EBF1: variants seen among roughly 807,000 people sequenced by gnomAD.
EBF1 encodes the protein EBF transcription factor 1, also known as transcription factor COE1.
Under a neutral mutation model 68.4 loss-of-function variants are expected in EBF1, and 10 were observed. The ratio of observed to expected loss-of-function variants is 0.15; its 90% CI spans 0.09 to 0.25. The LOEUF (loss-of-function observed/expected upper bound fraction) is 0.25, where lower values mean the gene tolerates loss of function less well. Ranked by LOEUF, EBF1 falls within the 10% of genes least tolerant of loss-of-function variation. The pLI, the probability that EBF1 is intolerant of heterozygous loss-of-function variation, is 1.00. For missense variants in EBF1, 509 were observed against 794.4 expected, an observed-to-expected ratio of 0.64 and a Z score of 4.32; for synonymous variants, 298 against 299.8, an observed-to-expected ratio of 0.99 and a Z score of 0.06.
At chr5:158,814,991 T>C (rs906113732) in intron 8 of EBF1, among the ~76,000 whole-genome samples, 1 of 152,194 alleles carries the variant, frequency 6.6e-6, no homozygotes, top group Non-Finnish European at 1.5e-5. Context: ...TTGAAAAGTC[T>C]GTTGAAGATA....
At chr5:159,057,753 C>T (rs1775039204) in intron 6 of EBF1, among the ~76,000 whole-genome samples, 1 of 152,200 alleles carries the variant, frequency 6.6e-6, no homozygotes, top group Admixed American at 6.5e-5. Flanking sequence ...AGAGTCCACT[C>T]AGCTTAAATG....
At chr5:158,924,273 A>G (rs1026670150) in intron 6 of EBF1, among the ~76,000 whole-genome samples, 2 of 152,114 alleles carry the variant, frequency 1.3e-5, no homozygotes, top group African/African-American at 4.8e-5. Flanking sequence ...TACCTTCCTC[A>G]TGCCAGATGC....
In EBF1 at chr5:158,832,241, C is replaced by T. The variant is rs147628573; in HGVS notation, c.636+7788G>A. ...TGTAGAAATACATGTTCTCTAAGTG[C>T]AGGGCGACCACTCATCAAATGCTGT... On this transcript the variant is annotated intron_variant, in intron 7 of 15. Transcript: ENST00000313708. 5.9e-3 allele frequency among the ~76,000 whole-genome samples: 894 copies of T among 152,298 alleles called. 14 individuals carry two copies. The highest frequency in any genetic ancestry group is 0.021 in the African/African-American group (858 of 41,562).
intron 9 of EBF1, among the ~76,000 whole-genome samples, chr5:158,788,022 C>CTGAA (rs35253803): frequency 0.23 from 34,339 of 151,678 alleles, 4,195 homozygotes; most frequent in East Asian, 0.39. Context: ...ATTTGTTTGA[C>CTGAA]TGAATGAATG....
Position 159,099,531 on chromosome 5 carries a change from A to C in EBF1, c.-53T>G. On this transcript the variant is annotated 5_prime_UTR_variant, in exon 1 of 16. Transcript: ENST00000313708. ...TCCTCCCCCTTGAAAAAAATTAAAAAAAAAAAAAAAGGAAAGAAAAGAAAG... is the reference window on the plus strand; with the variant it reads ...TCCTCCCCCTTGAAAAAAATTAAAACAAAAAAAAAAGGAAAGAAAAGAAAG... The C allele has an allele frequency of 7.0e-7, 1 of 1,431,092 alleles. No homozygotes were observed. The highest frequency in any genetic ancestry group is 9.2e-7 in the Non-Finnish European group (1 of 1,085,606). 88.6% of individuals were successfully genotyped at this position (1,431,092 alleles called of 1,614,324 possible).
Position 158,810,942 on chromosome 5 carries a change from G to A in EBF1, c.778+12234C>T, listed in dbSNP as rs142840304. Among the ~76,000 whole-genome samples, 637 of 152,254 alleles carry A rather than the reference G, an allele frequency of 4.2e-3. 4 individuals are homozygous for A. Among genetic ancestry groups the A allele is most frequent in the African/African-American group, 0.014 (590 of 41,556 alleles). On this transcript the variant is annotated intron_variant, in intron 8 of 15. Transcript: ENST00000313708. ...GTCATCTCCCAGCCGACTTGCCCAC[G>A]GCAGGCCGGCAGAAAAGCCACAATC...
intron 6 of EBF1, among the ~76,000 whole-genome samples, chr5:158,913,942 G>T (rs1247306406): frequency 6.6e-6 from 1 of 152,254 alleles, no homozygotes; most frequent in East Asian, 1.9e-4. Flanking sequence ...TTCAGTGTGA[G>T]TTTTTGGAGA....
rs1254616009 is a variant in EBF1 at position 158,816,951 on chromosome 5, G to A, written c.778+6225C>T. ...CCAGCAGCGAAGAGCAAAGTTATAA[G>A]TAGGTCTGAGCAAACTTGCCCTGGG... On this transcript the variant is annotated intron_variant, in intron 8 of 15. Transcript: ENST00000313708. Among the ~76,000 whole-genome samples the A allele has an allele frequency of 2.6e-5, 4 of 152,076 alleles. No homozygotes were observed. The East Asian group carries it at 5.8e-4, about 22-fold the overall frequency.
At chr5:158,878,096 A>C (rs1798135164) in intron 6 of EBF1, among the ~76,000 whole-genome samples, 2 of 151,680 alleles carry the variant, frequency 1.3e-5, no homozygotes, top group Admixed American at 6.6e-5. Context: ...ACAACCCAGA[A>C]AACACTAACT....
At chr5:159,092,426 A>G (rs550481311) in intron 4 of EBF1, among the ~76,000 whole-genome samples, 82 of 152,286 alleles carry the variant, frequency 5.4e-4, no homozygotes, top group Non-Finnish European at 1.1e-3. Flanking sequence ...TTATATATTC[A>G]TTTCTAATGA....
intron 10 of EBF1, among the ~76,000 whole-genome samples, chr5:158,771,173 A>T (rs559173020): frequency 6.6e-6 from 1 of 152,242 alleles, no homozygotes; most frequent in East Asian, 1.9e-4. Context: ...AACTCTAATG[A>T]CAAATTCTTT....
At chr5:158,880,074 C>G (rs1292929774) in intron 6 of EBF1, among the ~76,000 whole-genome samples, 1 of 152,190 alleles carries the variant, frequency 6.6e-6, no homozygotes, top group Non-Finnish European at 1.5e-5. Flanking sequence ...AGAAAACAGG[C>G]TATTGACTTT....
Position 159,006,647 on chromosome 5 carries a change from T to TAAAAAAAAAAAAAAA in EBF1, c.554+66734_554+66748dup, listed in dbSNP as rs36045942. ...CTCATATAACCAATCATAGCCATGTTAAAAAAAAAAAAAAAAAAAAAAAAA... is the reference window on the plus strand; with the variant it reads ...CTCATATAACCAATCATAGCCATGTTAAAAAAAAAAAAAAAAAAAAAAAAAAAAAAAAAAAAAAAA... On this transcript the variant is annotated intron_variant, in intron 6 of 15. Transcript: ENST00000313708. Among the ~76,000 whole-genome samples the TAAAAAAAAAAAAAAA allele has an allele frequency of 6.4e-4, 36 of 56,206 alleles. 7 individuals are homozygous for TAAAAAAAAAAAAAAA. The highest frequency in any genetic ancestry group is 1.2e-3 in the East Asian group (2 of 1,654). The allele number at this position is 56,206 out of a possible 152,430, so 36.9% of individuals were successfully genotyped here. A position where few individuals can be genotyped will look rare whatever the true frequency, so the allele number is the denominator to read the frequency against.
intron 10 of EBF1, among the ~76,000 whole-genome samples, chr5:158,744,270 C>A (rs1008946807): frequency 6.6e-6 from 1 of 151,572 alleles, no homozygotes; most frequent in Non-Finnish European, 1.5e-5. Flanking sequence ...GCAGACACTA[C>A]GGGGAACACA....
chr5:159,003,737 T>A (rs188506550), intron 6 of EBF1, among the ~76,000 whole-genome samples: 1 of 152,320 alleles, frequency 6.6e-6, no homozygotes, highest in East Asian at 1.9e-4. Flanking sequence ...TCAAACTTCA[T>A]GAATCTCACC....
intron 6 of EBF1, among the ~76,000 whole-genome samples, chr5:158,960,843 A>T (rs1226245165): frequency 6.6e-6 from 1 of 152,216 alleles, no homozygotes; most frequent in Non-Finnish European, 1.5e-5. Flanking sequence ...AAGGCCTTGT[A>T]TCAAGAAACT....
At chr5:159,024,151 C>T (rs1284875530) in intron 6 of EBF1, among the ~76,000 whole-genome samples, 1 of 152,074 alleles carries the variant, frequency 6.6e-6, no homozygotes, top group Non-Finnish European at 1.5e-5. Flanking sequence ...AACTCTTACA[C>T]TTCACAAACC....
At chr5:158,892,456 T>C (rs1404791197) in intron 6 of EBF1, among the ~76,000 whole-genome samples, 3 of 152,082 alleles carry the variant, frequency 2.0e-5, no homozygotes, top group Admixed American at 1.3e-4. Context: ...GCTACTGCAT[T>C]CCATCCTGGA....
At chr5:158,773,146 G>T (rs186039485) in intron 10 of EBF1, among the ~76,000 whole-genome samples, 36 of 151,938 alleles carry the variant, frequency 2.4e-4, no homozygotes, top group Admixed American at 2.2e-3. Context: ...TAGGAGAGAT[G>T]GGAGAGCAAG....
Sources: allele counts gnomAD v4.1 joint callset (sites outside exome capture counted in the v4.1 genomes callset), GRCh38; gene constraint gnomAD v4.1.1; transcripts MANE v1.5; gene names NCBI Gene and HGNC (gene_info 2026-07-23, HGNC 2026-07-21).